PTK2: variants seen among roughly 807,000 people sequenced by gnomAD.
The protein encoded by PTK2 is protein tyrosine kinase 2.
Under a neutral mutation model 150.1 loss-of-function variants are expected in PTK2, and 45 were observed. The observed-to-expected ratio is 0.30, with a 90% CI of 0.24 to 0.38. The LOEUF is 0.38. PTK2 is among the 10% of genes least tolerant of loss of function. The pLI, the probability that PTK2 is intolerant of heterozygous loss-of-function variation, is 1.00. For synonymous variants in PTK2, 432 were observed against 449.2 expected, an observed-to-expected ratio of 0.96 and a Z score of 0.48; for missense variants, 919 against 1,307.3, an observed-to-expected ratio of 0.70 and a Z score of 4.58.
chr8:140,779,211 G>A (rs1168507801), intron 14 of PTK2, among the ~76,000 whole-genome samples: 1 of 140,992 alleles, frequency 7.1e-6, no homozygotes, highest in African/African-American at 2.7e-5. Context: ...GCAGTGAGCC[G>A]AAATCCCACC....
chr8:140,743,776 T>C (rs980043418), intron 19 of PTK2, among the ~76,000 whole-genome samples: 3 of 151,042 alleles, frequency 2.0e-5, no homozygotes, highest in Non-Finnish European at 4.4e-5. Flanking sequence ...TTAGTTTTTC[T>C]TTTCTTTTTT....
intron 13 of PTK2, among the ~76,000 whole-genome samples, chr8:140,791,415 T>C (rs1196466162): frequency 6.6e-6 from 1 of 152,182 alleles, no homozygotes; most frequent in Non-Finnish European, 1.5e-5. Context: ...GTTCCTGCCC[T>C]GATATGACCC....
At chr8:140,676,208 T>C (rs941082734) in intron 27 of PTK2, among the ~76,000 whole-genome samples, 3 of 151,964 alleles carry the variant, frequency 2.0e-5, no homozygotes, top group Admixed American at 2.0e-4. Context: ...AAACCCTGTC[T>C]CTACTAAAAA....
intron 30 of PTK2, among the ~76,000 whole-genome samples, chr8:140,667,450 T>TTC (rs56914419): frequency 2.8e-5 from 4 of 144,188 alleles, no homozygotes; most frequent in East Asian, 4.0e-4. Flanking sequence ...TCCTCTTTCT[T>TTC]TCTCTCTCTC....
intron 1 of PTK2, among the ~76,000 whole-genome samples, chr8:140,971,355 A>C (rs1373193613): frequency 9.2e-5 from 14 of 152,236 alleles, no homozygotes; most frequent in Non-Finnish European, 8.8e-5. Flanking sequence ...ATCCACAGTG[A>C]ACTTCATTAG....
intron 26 of PTK2, among the ~76,000 whole-genome samples, chr8:140,689,156 C>T (rs1441780035): frequency 6.6e-6 from 1 of 152,224 alleles, no homozygotes; most frequent in Non-Finnish European, 1.5e-5. Context: ...AAGGGGAACT[C>T]ACTGGGGAGG....
At chr8:140,912,637 T>C (rs2100163661) in intron 2 of PTK2, among the ~76,000 whole-genome samples, 1 of 151,854 alleles carries the variant, frequency 6.6e-6, no homozygotes, top group Non-Finnish European at 1.5e-5. Context: ...CTCAGAAACC[T>C]AAGAATTGAA....
At chr8:140,993,479 A>C (rs2100196508) in intron 1 of PTK2, among the ~76,000 whole-genome samples, 1 of 152,244 alleles carries the variant, frequency 6.6e-6, no homozygotes, top group Admixed American at 6.5e-5. Flanking sequence ...TGTATAAAAC[A>C]AAGTTTATGC....
chr8:140,684,355 T>A (rs2100018626), intron 27 of PTK2, among the ~76,000 whole-genome samples: 1 of 152,260 alleles, frequency 6.6e-6, no homozygotes, highest in African/African-American at 2.4e-5. Context: ...GAGAATCTAA[T>A]GCTGCCACTG....
intron 22 of PTK2, among the ~76,000 whole-genome samples, chr8:140,728,929 A>C (rs2100047521): frequency 6.6e-6 from 1 of 152,194 alleles, no homozygotes; most frequent in African/African-American, 2.4e-5. Flanking sequence ...CATTCTTTGA[A>C]AAATTGATAC....
In PTK2 at chr8:140,943,569, A is replaced by T. The variant is rs72685785; in HGVS notation, c.-121-17820T>A. 3.1e-3 allele frequency among the ~76,000 whole-genome samples: 479 copies of T among 152,324 alleles called. 1 individual carries two copies. Among genetic ancestry groups the T allele is most frequent in the Non-Finnish European group, 5.4e-3 (366 of 68,024 alleles). On this transcript the variant is annotated intron_variant, in intron 1 of 31. Transcript: ENST00000522684. ...GAGGTCATTGTAAGAAAATGTTTTC[A>T]TTTCTCTTGAGTAAATATTTAGAAG... is the stretch of plus-strand genomic sequence containing the variant.
chr8:140,728,781 A>C (rs372146130), intron 22 of PTK2, among the ~76,000 whole-genome samples: 92 of 152,276 alleles, frequency 6.0e-4, no homozygotes, highest in African/African-American at 2.1e-3. Context: ...TTGGCCTCCC[A>C]AAATGCTGAG....
At chr8:140,822,644 G>A (rs886339455) in intron 8 of PTK2, among the ~76,000 whole-genome samples, 3 of 152,152 alleles carry the variant, frequency 2.0e-5, no homozygotes, top group African/African-American at 7.2e-5. Flanking sequence ...AAACCAGGAA[G>A]AAACAACCAC....
intron 1 of PTK2, among the ~76,000 whole-genome samples, chr8:140,940,390 A>G (rs1368513750): frequency 6.6e-6 from 1 of 152,152 alleles, no homozygotes; most frequent in Non-Finnish European, 1.5e-5. Context: ...CGGAGCTTGC[A>G]GTGAGATGAG....
At chr8:140,717,625 G>A (rs528592700) in exon 23 of PTK2, 23 of 1,613,944 alleles carry the variant, frequency 1.4e-5, no homozygotes, top group East Asian at 6.7e-5. Context: ...CAGACCCTCC[G>A]GAGTCCCAGG....
intron 17 of PTK2, chr8:140,747,186 G>A (rs57973268): frequency 0.032 from 6,391 of 200,064 alleles, 429 homozygotes; most frequent in African/African-American, 0.14. Context: ...CACCGCACCC[G>A]GCCTAGTTAT....
At chr8:140,935,602 A>G (rs1056415411) in intron 1 of PTK2, among the ~76,000 whole-genome samples, 1 of 151,600 alleles carries the variant, frequency 6.6e-6, no homozygotes, top group Non-Finnish European at 1.5e-5. Flanking sequence ...GCTTGCAAAG[A>G]CCTCTATCTG....
chr8:140,760,972 G>A (rs1192374150), intron 16 of PTK2, among the ~76,000 whole-genome samples, 193 bp downstream of exon 19: 1 of 152,182 alleles, frequency 6.6e-6, no homozygotes, highest in African/African-American at 2.4e-5. Flanking sequence ...GCCCAGCCTT[G>A]TAGGAGCTAA....
At chr8:140,806,419 G>A (rs188553593) in intron 10 of PTK2, among the ~76,000 whole-genome samples, 109 of 152,108 alleles carry the variant, frequency 7.2e-4, no homozygotes, top group African/African-American at 2.4e-3. Context: ...TGTCGGAGGC[G>A]CCTTCCAACA....
Sources: allele counts gnomAD v4.1 joint callset (sites outside exome capture counted in the v4.1 genomes callset), GRCh38; gene constraint gnomAD v4.1.1; transcripts MANE v1.5; gene names NCBI Gene and HGNC (gene_info 2026-07-23, HGNC 2026-07-21).